VWDE: variants seen among roughly 807,000 people sequenced by gnomAD.
The protein encoded by VWDE is von Willebrand factor D and EGF domain-containing protein.
VWDE carries 207 observed loss-of-function variants against 178.4 expected under a neutral mutation model. That is an observed-to-expected ratio of 1.16 (90% CI 1.04 to 1.30). The LOEUF (loss-of-function observed/expected upper bound fraction) is 1.30, where lower values mean the gene tolerates loss of function less well. Ranked by LOEUF, VWDE falls within the 50% of genes most tolerant of loss-of-function variation. The pLI is 0.00. For missense variants in VWDE, 2,287 were observed against 1,901.3 expected (o/e 1.20, Z -3.77); for synonymous variants, 738 against 651.4 (o/e 1.13, Z -2.02).
chr7:12,341,227 C>A (rs1434810188), intron 23 of VWDE, among the ~76,000 whole-genome samples: 1 of 152,120 alleles, frequency 6.6e-6, no homozygotes, highest in Admixed American at 6.6e-5. Flanking sequence ...TTGCATCATG[C>A]TTCACAAATA....
At chr7:12,391,540 C>T (rs1784389480) in intron 2 of VWDE, among the ~76,000 whole-genome samples, 1 of 152,156 alleles carries the variant, frequency 6.6e-6, no homozygotes, top group Non-Finnish European at 1.5e-5. Flanking sequence ...AAGAGAAAAA[C>T]ACAAATATTT....
At chr7:12,385,518 G>A (rs970390377) in intron 3 of VWDE, among the ~76,000 whole-genome samples, 1 of 152,122 alleles carries the variant, frequency 6.6e-6, no homozygotes, top group Admixed American at 6.5e-5. Context: ...AGATAAAGAG[G>A]CTAAAACTGG....
At chr7:12,363,783 C>A (rs1410532236) in intron 13 of VWDE, among the ~76,000 whole-genome samples, 2 of 151,848 alleles carry the variant, frequency 1.3e-5, no homozygotes, top group Non-Finnish European at 2.9e-5. Flanking sequence ...ATTTCATATA[C>A]CCTCCAAATA....
intron 18 of VWDE, among the ~76,000 whole-genome samples, chr7:12,352,502 G>C (rs1368906685): frequency 1.3e-5 from 2 of 152,118 alleles, no homozygotes; most frequent in Non-Finnish European, 2.9e-5. Flanking sequence ...ATGTGTAAGG[G>C]GATTTGGTTC....
At chr7:12,348,329 G>A (rs1243668219) in intron 19 of VWDE, among the ~76,000 whole-genome samples, 1 of 148,966 alleles carries the variant, frequency 6.7e-6, no homozygotes, top group Non-Finnish European at 1.5e-5. Flanking sequence ...CTATTCATCT[G>A]ACAAAGGGCT....
chr7:12,402,926 A>G (rs2128566833), intron 1 of VWDE, among the ~76,000 whole-genome samples: 1 of 152,242 alleles, frequency 6.6e-6, no homozygotes, highest in Middle Eastern at 3.4e-3. Flanking sequence ...TTTCTGAAAA[A>G]CGTAAGGAAA....
chr7:12,368,559 G>C (rs200680773), intron 12 of VWDE, among the ~76,000 whole-genome samples: 5 of 152,090 alleles, frequency 3.3e-5, no homozygotes, highest in African/African-American at 1.2e-4. Context: ...CAGTGAGCTG[G>C]GAGAAGAATG....
chr7:12,379,347 G>T (rs1783707928), intron 6 of VWDE, 130 bp downstream of exon 6: 2 of 513,410 alleles, frequency 3.9e-6, no homozygotes, highest in Non-Finnish European at 6.4e-6. Flanking sequence ...CTTCAAATAT[G>T]GGGACTCATG....
At chr7:12,348,297 A>C (rs1781729311) in intron 19 of VWDE, among the ~76,000 whole-genome samples, 1 of 149,018 alleles carries the variant, frequency 6.7e-6, no homozygotes, top group East Asian at 2.0e-4. Flanking sequence ...CAACCTACAA[A>C]ATGGGAGAAA....
At chr7:12,338,495 C>A (rs1484948508) in intron 24 of VWDE, among the ~76,000 whole-genome samples, 1 of 151,866 alleles carries the variant, frequency 6.6e-6, no homozygotes, top group Non-Finnish European at 1.5e-5. Context: ...GTTTATGATG[C>A]GTAATCTTGC....
At chr7:12,371,529 A>G (rs984083907) in intron 10 of VWDE, among the ~76,000 whole-genome samples, 3 of 152,158 alleles carry the variant, frequency 2.0e-5, no homozygotes, top group Non-Finnish European at 4.4e-5. Context: ...CTGAAGATAC[A>G]CAACTGTGTT....
At chr7:12,386,536 G>T (rs937536625) in intron 3 of VWDE, among the ~76,000 whole-genome samples, 1 of 152,174 alleles carries the variant, frequency 6.6e-6, no homozygotes, top group Non-Finnish European at 1.5e-5. Context: ...CACTCATTGA[G>T]ATCTAATATT....
At chr7:12,367,614 AT>A (rs1271395731) in intron 12 of VWDE, 121 bp from the exon 13 acceptor site, 1 of 833,942 alleles carries the variant, frequency 1.2e-6, no homozygotes, top group Non-Finnish European at 1.7e-6. Flanking sequence ...TATACCTAAA[AT>A]GCTGCTTACA....
chr7:12,387,177 C>T (rs1784142928), intron 3 of VWDE, among the ~76,000 whole-genome samples: 1 of 151,926 alleles, frequency 6.6e-6, no homozygotes, highest in Non-Finnish European at 1.5e-5. Flanking sequence ...AGAACATTGT[C>T]TTAGTTTCTA....
chr7:12,362,225 AC>A (rs1782625232), intron 13 of VWDE, among the ~76,000 whole-genome samples: 2 of 150,240 alleles, frequency 1.3e-5, no homozygotes, highest in African/African-American at 2.4e-5. Flanking sequence ...AAACATACAC[AC>A]ACACACACAC....
At chr7:12,375,857 AGGAAATGG>A (rs1415958452) in intron 7 of VWDE, among the ~76,000 whole-genome samples, 7 of 152,204 alleles carry the variant, frequency 4.6e-5, no homozygotes, top group African/African-American at 1.7e-4. Context: ...TAATTTGGAA[AGGAAATGG>A]TAACAAAAAA....
At chr7:12,338,723 G>A (rs1361359202) in intron 24 of VWDE, among the ~76,000 whole-genome samples, 1 of 152,044 alleles carries the variant, frequency 6.6e-6, no homozygotes, top group Non-Finnish European at 1.5e-5. Context: ...ATCCTGAAGT[G>A]GGCTAAGTAA....
intron 16 of VWDE, among the ~76,000 whole-genome samples, chr7:12,358,387 T>TC (rs1554266229): frequency 1.5e-5 from 2 of 135,048 alleles, no homozygotes; most frequent in Non-Finnish European, 3.2e-5. Context: ...AAATAAAAGG[T>TC]GGGGGGGGCT....
At chr7:12,384,277 T>G (rs1413898840) in intron 3 of VWDE, among the ~76,000 whole-genome samples, 1 of 152,042 alleles carries the variant, frequency 6.6e-6, no homozygotes, top group East Asian at 1.9e-4. Flanking sequence ...TGATTCCAAC[T>G]ATATGAAATC....
Sources: gnomAD v4.1 joint callset for allele counts (sites outside exome capture counted in the v4.1 genomes callset) on GRCh38, gnomAD v4.1.1 for gene constraint, MANE v1.5 for transcripts, NCBI Gene and HGNC (gene_info 2026-07-23, HGNC 2026-07-21) for gene names.